TBKBP1: variants seen among roughly 807,000 people sequenced by gnomAD.
The protein encoded by TBKBP1 is TANK-binding kinase 1-binding protein 1.
In TBKBP1, 47 loss-of-function variants were observed where a neutral mutation model predicts 69.9. That is an observed-to-expected ratio of 0.67 (90% CI 0.53 to 0.86). TBKBP1 has a LOEUF of 0.86. Ranked by LOEUF, TBKBP1 falls within the 40% of genes least tolerant of loss-of-function variation. The probability of loss-of-function intolerance (pLI) is 0.00; values close to 1 mark genes in which losing one functional copy is unlikely to be tolerated. For synonymous variants in TBKBP1, 418 were observed against 390.3 expected (o/e 1.07, Z -0.84); for missense variants, 831 against 858.6 (o/e 0.97, Z 0.40).
chr17:47,701,903 C>T (rs2031521267), intron 7 of TBKBP1, among the ~76,000 whole-genome samples: 1 of 152,220 alleles, frequency 6.6e-6, no homozygotes, highest in African/African-American at 2.4e-5. Flanking sequence ...GAGGCCACCT[C>T]CTGGCTCCTC....
chr17:47,701,794 C>T (rs973775486), intron 7 of TBKBP1, among the ~76,000 whole-genome samples: 7 of 152,210 alleles, frequency 4.6e-5, no homozygotes, highest in African/African-American at 1.7e-4. Flanking sequence ...CTGGCAAGAG[C>T]AGCCCCTTCC....
At chr17:47,695,313 C>T (rs1258628264) in intron 1 of TBKBP1, 1 of 152,488 alleles carries the variant, frequency 6.6e-6, no homozygotes, top group South Asian at 2.1e-4. Context: ...CTTTCGGGAG[C>T]CTGAGTCATT....
In TBKBP1 at chr17:47,708,074, TCAGAC is replaced by T. The variant is rs1255235936; in HGVS notation, c.873-317_873-313del. ...TCACACATACCTGTATGAGCTGTGT[TCAGAC>T]CACGGACAGTGCCTGATGCAGGGAT... On this transcript the variant is annotated intron_variant, in intron 7 of 9. Coordinates refer to ENST00000578982, the MANE Select transcript of TBKBP1 (RefSeq NM_001394755.1). The surrounding 1 kb of genome is among the most constrained non-coding windows in gnomAD (Gnocchi z 4.4). Among the ~76,000 whole-genome samples, 1 of 152,242 alleles carries T rather than the reference TCAGAC, an allele frequency of 6.6e-6. No homozygotes were observed. Among genetic ancestry groups the T allele is most frequent in the Non-Finnish European group, 1.5e-5 (1 of 68,046 alleles).
Position 47,703,633 on chromosome 17 carries a change from C to T in TBKBP1, c.872+3936C>T, listed in dbSNP as rs542779329. On this transcript the variant is annotated intron_variant, in intron 7 of 9. Transcript: ENST00000578982. ...CAGCGCCCCCTCCCTCGATGGGAAA[C>T]GCCCATCTTCCCTCCTTAAACCGAA... Among the ~76,000 whole-genome samples the T allele has an allele frequency of 2.4e-3, 371 of 152,264 alleles. 2 individuals carry two copies. The highest frequency in any genetic ancestry group is 8.4e-3 in the African/African-American group (350 of 41,554).
At position 47,696,126 on chromosome 17, in the gene TBKBP1, T is replaced by TGG; in HGVS notation, c.14_15insGG (p.Phe5LeufsTer9). Reference sequence around the variant, plus strand: ...CCGGCCCTCACCATGGAGTCCATGTTCGAGGACGACATCAGCATCCTGACG... The same window carrying TGG: ...CCGGCCCTCACCATGGAGTCCATGTTGGCGAGGACGACATCAGCATCCTGACG... On this transcript the variant is annotated frameshift_variant, in exon 2 of 10. Transcript: ENST00000578982. LOFTEE classifies it high-confidence loss of function. 1 of 1,611,642 alleles carries TGG rather than the reference T, an allele frequency of 6.2e-7. No individual in the cohort carries two copies. Among genetic ancestry groups the TGG allele is most frequent in the Non-Finnish European group, 8.5e-7 (1 of 1,179,258 alleles).
intron 7 of TBKBP1, among the ~76,000 whole-genome samples, chr17:47,701,621 A>G (rs2031507832): frequency 1.3e-5 from 2 of 152,040 alleles, no homozygotes; most frequent in Non-Finnish European, 2.9e-5. Flanking sequence ...TTTCCCTCAC[A>G]GGCTCAGGGG....
chr17:47,701,350 C>G (rs999163700), intron 7 of TBKBP1, among the ~76,000 whole-genome samples: 2 of 101,092 alleles, frequency 2.0e-5, no homozygotes, highest in African/African-American at 9.1e-5. Flanking sequence ...CACAGACACA[C>G]ACAGACACAC....
chr17:47,704,414 G>A (rs773932829), intron 7 of TBKBP1, among the ~76,000 whole-genome samples: 1 of 152,220 alleles, frequency 6.6e-6, no homozygotes, highest in Non-Finnish European at 1.5e-5. Context: ...CGGTGCCTGT[G>A]GTCCCCTCCC....
chr17:47,694,886 G>T (rs2031150760), intron 1 of TBKBP1, among the ~76,000 whole-genome samples: 1 of 64,946 alleles, frequency 1.5e-5, no homozygotes, highest in Non-Finnish European at 3.1e-5. Flanking sequence ...TGTGGGTGGC[G>T]GAGGGGGGGG....
chr17:47,704,476 G>A (rs1407022093), intron 7 of TBKBP1, among the ~76,000 whole-genome samples: 1 of 152,236 alleles, frequency 6.6e-6, no homozygotes, highest in African/African-American at 2.4e-5. Flanking sequence ...GTGGTGGAAA[G>A]TTTGGTCCCT....
In TBKBP1 at chr17:47,696,282, G is replaced by C. The variant is rs1012953647; in HGVS notation, c.170G>C (p.Gly57Ala). ...GGAGACATCAAGGAACGGCTGGGGG[G>C]CCTGGAGAGGGAGAACGCCACCCTC... ...AYGDIKERLG[G>A]LERENATLRR... Residue 57 changes from glycine to alanine, a missense_variant, in exon 2 of 10, where the codon GGC (glycine) becomes GCC (alanine). By Grantham distance (60) the Gly-to-Ala change is moderately conservative (BLOSUM62 0). Transcript: ENST00000578982. The C allele has an allele frequency of 1.9e-6, 3 of 1,613,610 alleles. No individual in the cohort carries two copies. The highest frequency in any genetic ancestry group is 4.5e-5 in the East Asian group (2 of 44,882).
At position 47,696,844 on chromosome 17, in the gene TBKBP1, C is replaced by T. The variant is rs1285514401; in HGVS notation, c.348+11C>T. 6.2e-7 allele frequency: 1 copy of T among 1,613,054 alleles called. No homozygotes were observed. Among genetic ancestry groups the T allele is most frequent in the Non-Finnish European group, 8.5e-7 (1 of 1,179,436 alleles). ...CAGTTCCAGCATGAGGTGAGCCTAC[C>T]AGGCTGGGCGCACCCCCTGAGCATC... On this transcript the variant is annotated intron_variant, in intron 3 of 9. Transcript: ENST00000578982.
At position 47,709,431 on chromosome 17, in the gene TBKBP1, G is replaced by A. The variant is rs1373695578; in HGVS notation, c.1698G>A (p.Ala566=). ...AATAYAHAEH[A]QSWPSINLLM... ...CCGCCTACGCCCACGCCGAGCACGC[G>A]CAGTCCTGGCCGTCCATCAACGTGA... is the stretch of plus-strand genomic sequence containing the variant. Residue 566 remains alanine (A), a synonymous_variant, in exon 9 of 10, where the codon GCG becomes GCA. Coordinates refer to ENST00000578982, the MANE Select transcript of TBKBP1 (RefSeq NM_001394755.1). 5.2e-6 allele frequency: 8 copies of A among 1,538,876 alleles called. No homozygotes were observed. Among genetic ancestry groups the A allele is most frequent in the African/African-American group, 1.4e-5 (1 of 71,712 alleles).
intron 7 of TBKBP1, among the ~76,000 whole-genome samples, chr17:47,701,352 C>T (rs1567906426): frequency 1.1e-5 from 1 of 88,032 alleles, no homozygotes; most frequent in African/African-American, 5.1e-5. Context: ...CAGACACACA[C>T]AGACACACAC....
chr17:47,699,248 C>T (rs1439464504), intron 5 of TBKBP1, 72 bp from the exon 6 acceptor site: 3 of 1,416,482 alleles, frequency 2.1e-6, no homozygotes, highest in Non-Finnish European at 2.8e-6. Flanking sequence ...GCTGCATCCT[C>T]CTGTTTCACT....
At position 47,708,674 on chromosome 17, in the gene TBKBP1, G is replaced by A; in HGVS notation, c.992-51G>A. ...AAGCCCCTGGCGCTCCAGTTCTGAGGTCTTCTCTCTGCACCTTTGTCCCCC... is the reference window on the plus strand; with the variant it reads ...AAGCCCCTGGCGCTCCAGTTCTGAGATCTTCTCTCTGCACCTTTGTCCCCC... On this transcript the variant is annotated intron_variant, in intron 8 of 9. Transcript: ENST00000578982. The surrounding 1 kb of genome is among the most constrained non-coding windows in gnomAD (Gnocchi z 4.4). The A allele has an allele frequency of 6.8e-7, 1 of 1,474,532 alleles. No homozygotes were observed. The highest frequency in any genetic ancestry group is 2.3e-5 in the Admixed American group (1 of 44,322). The allele number at this position is 1,474,532 out of a possible 1,614,324, so 91.3% of individuals were successfully genotyped here. A position where few individuals can be genotyped will look rare whatever the true frequency, so the allele number is the denominator to read the frequency against.
intron 7 of TBKBP1, among the ~76,000 whole-genome samples, chr17:47,707,861 G>T (rs1216781250): frequency 6.6e-6 from 1 of 152,148 alleles, no homozygotes; most frequent in Admixed American, 6.5e-5. Context: ...ATGCAGCAGG[G>T]TCCCCAACCT....
At chr17:47,707,870 C>A (rs138036835) in intron 7 of TBKBP1, among the ~76,000 whole-genome samples, 66 of 152,342 alleles carry the variant, frequency 4.3e-4, no homozygotes, top group African/African-American at 1.5e-3. Context: ...GGTCCCCAAC[C>A]TTTTCAAAGG....
chr17:47,708,798 AGCGGCTCCCCC>A lies in TBKBP1; in HGVS notation c.1067_1077del (p.Ala356ValfsTer105). The A allele has an allele frequency of 3.9e-6, 2 of 507,070 alleles. No homozygotes were observed. Among genetic ancestry groups the A allele is most frequent in the Non-Finnish European group, 6.1e-6 (2 of 327,232 alleles). 31.4% of individuals were successfully genotyped at this position (507,070 alleles called of 1,614,324 possible). ...GCCCCTCCCCCTCCCCGCCTGCCCG[AGCGGCTCCCCC>A]GTGCCCCCCGTGCCAGTCCCCCGTC... On this transcript the variant is annotated frameshift_variant, in exon 9 of 10. Transcript: ENST00000578982. LOFTEE classifies it high-confidence loss of function. This position sits in a 1 kb window ranked among gnomAD's most constrained non-coding sequence, Gnocchi z 4.4.
Sources: allele counts gnomAD v4.1 joint callset (sites outside exome capture counted in the v4.1 genomes callset), GRCh38; gene constraint gnomAD v4.1.1; non-coding constraint Gnocchi (gnomAD v3.1); transcripts MANE v1.5; gene names NCBI Gene and HGNC (gene_info 2026-07-23, HGNC 2026-07-21).